Variants in SLC2A13 observed in about 807,000 individuals in gnomAD.
SLC2A13 encodes the protein proton myo-inositol cotransporter.
A neutral mutation model predicts 64.4 loss-of-function variants in SLC2A13; 32 were observed. The ratio of observed to expected loss-of-function variants is 0.50; its 90% confidence interval spans 0.37 to 0.67. SLC2A13 has a LOEUF of 0.67. Ranked by LOEUF, SLC2A13 falls within the 30% of genes least tolerant of loss-of-function variation. The probability of loss-of-function intolerance (pLI) is 0.00; values close to 1 mark genes in which losing one functional copy is unlikely to be tolerated. For synonymous variants in SLC2A13, 338 were observed against 327.1 expected (o/e 1.03, Z -0.36); for missense variants, 743 against 829.2 (o/e 0.90, Z 1.28).
rs549093312 is a variant in SLC2A13, at chr12:40,041,979, T to C, written c.716+6072A>G. ...GATCCTACCCCCTCCTGGTCTACAC[T>C]CTGCCTCCCATATCCACCTGTGTCC... is the stretch of plus-strand genomic sequence containing the variant. On this transcript the variant is annotated intron_variant, in intron 2 of 9. Transcript: ENST00000280871. 2.0e-5 allele frequency among the ~76,000 whole-genome samples: 3 copies of C among 152,314 alleles called. No homozygotes were observed. The South Asian group carries it at 6.2e-4, about 32-fold the overall frequency.
chr12:40,067,003 GT>G (rs1937752877), intron 1 of SLC2A13, among the ~76,000 whole-genome samples: 1 of 152,094 alleles, frequency 6.6e-6, no homozygotes, highest in African/African-American at 2.4e-5. Flanking sequence ...GACAGAACAT[GT>G]TTGAATTTCA....
chr12:40,088,461 C>T (rs1374263748), intron 1 of SLC2A13, among the ~76,000 whole-genome samples: 4 of 152,058 alleles, frequency 2.6e-5, no homozygotes, highest in South Asian at 4.1e-4. Context: ...TTTTTGAAGC[C>T]AGTCATCATA....
intron 4 of SLC2A13, among the ~76,000 whole-genome samples, chr12:39,944,474 T>C (rs1318529246): frequency 6.6e-6 from 1 of 152,222 alleles, no homozygotes; most frequent in Non-Finnish European, 1.5e-5. Context: ...TGTGTTGCTG[T>C]CTATCTCATT....
chr12:39,931,023 T>C (rs963487852), intron 4 of SLC2A13, among the ~76,000 whole-genome samples: 1 of 152,216 alleles, frequency 6.6e-6, no homozygotes. Flanking sequence ...AAATTGGCCT[T>C]CTAATAAATA....
intron 1 of SLC2A13, among the ~76,000 whole-genome samples, chr12:40,057,310 T>G (rs929236076): frequency 1.3e-5 from 2 of 152,046 alleles, no homozygotes; most frequent in Non-Finnish European, 2.9e-5. Flanking sequence ...GAAAAATAAA[T>G]GAACTCAGGT....
intron 1 of SLC2A13, among the ~76,000 whole-genome samples, chr12:40,093,576 T>A (rs1024008637): frequency 1.3e-5 from 2 of 152,112 alleles, no homozygotes; most frequent in African/African-American, 4.8e-5. Context: ...CAGGGAAAAC[T>A]GGTGGTGGGA....
chr12:40,044,791 C>T (rs1452740721), intron 2 of SLC2A13, among the ~76,000 whole-genome samples: 1 of 152,164 alleles, frequency 6.6e-6, no homozygotes, highest in East Asian at 1.9e-4. Context: ...ATCTAAATTG[C>T]TTTTCTGTCA....
chr12:39,978,604 G>A (rs868075528), intron 3 of SLC2A13, among the ~76,000 whole-genome samples: 3 of 152,158 alleles, frequency 2.0e-5, no homozygotes, highest in Admixed American at 6.5e-5. Context: ...CGAATATGGC[G>A]CTTTTCAGAC....
At chr12:39,816,544 C>G (rs547713985) in intron 7 of SLC2A13, among the ~76,000 whole-genome samples, 1 of 150,894 alleles carries the variant, frequency 6.6e-6, no homozygotes. Flanking sequence ...CAAACCTGCA[C>G]GTTGTGCACA....
At position 39,899,050 on chromosome 12, in the gene SLC2A13, G is replaced by A. The variant is rs998362022; in HGVS notation, c.1035-27089C>T. Among the ~76,000 whole-genome samples, 3 of 152,176 alleles carry A rather than the reference G, an allele frequency of 2.0e-5. No individual in the cohort carries two copies. The East Asian group carries it at 5.8e-4, about 29-fold the overall frequency. On this transcript the variant is annotated intron_variant, in intron 4 of 9. Transcript: ENST00000280871. ...TCTATTGATTGGAATAGTTTCAGAA[G>A]GAATGGTACCAGTTCCTCCTTGTAC... is the stretch of plus-strand genomic sequence containing the variant.
intron 1 of SLC2A13, among the ~76,000 whole-genome samples, chr12:40,052,502 G>A (rs1308550366): frequency 2.0e-5 from 3 of 152,072 alleles, no homozygotes; most frequent in South Asian, 2.1e-4. Context: ...TGAGAGTCTC[G>A]GGGTGAGTCT....
chr12:40,089,962 C>T (rs1267518481), intron 1 of SLC2A13, among the ~76,000 whole-genome samples: 2 of 152,158 alleles, frequency 1.3e-5, no homozygotes, highest in Non-Finnish European at 2.9e-5. Context: ...CACTTTTCAA[C>T]ACTGACAAGG....
At chr12:39,811,070 A>G (rs899684079) in intron 7 of SLC2A13, among the ~76,000 whole-genome samples, 1 of 152,050 alleles carries the variant, frequency 6.6e-6, no homozygotes, top group Admixed American at 6.6e-5. Context: ...GATTTTTAAT[A>G]CAAATTTGAT....
intron 4 of SLC2A13, among the ~76,000 whole-genome samples, chr12:39,885,033 C>A (rs1944435633): frequency 6.6e-6 from 1 of 152,194 alleles, no homozygotes; most frequent in Non-Finnish European, 1.5e-5. Context: ...GAAGGAATTT[C>A]TTGATTTTGA....
chr12:39,940,381 C>G (rs1945998628), intron 4 of SLC2A13, among the ~76,000 whole-genome samples: 1 of 151,976 alleles, frequency 6.6e-6, no homozygotes, highest in African/African-American at 2.4e-5. Context: ...ACCATGTGTG[C>G]TTGTGCTATG....
At chr12:40,072,963 T>C (rs190715945) in intron 1 of SLC2A13, among the ~76,000 whole-genome samples, 1 of 152,186 alleles carries the variant, frequency 6.6e-6, no homozygotes, top group Admixed American at 6.6e-5. Flanking sequence ...GTGGATTTAG[T>C]TGAGCATTTT....
chr12:40,043,160 C>T (rs997447244), intron 2 of SLC2A13, among the ~76,000 whole-genome samples: 1 of 151,966 alleles, frequency 6.6e-6, no homozygotes, highest in Non-Finnish European at 1.5e-5. Context: ...AAACATTTTA[C>T]TAGTGGCATG....
chr12:39,938,929 A>G (rs1200952011), intron 4 of SLC2A13, among the ~76,000 whole-genome samples: 2 of 152,134 alleles, frequency 1.3e-5, no homozygotes, highest in Non-Finnish European at 1.5e-5. Flanking sequence ...CTACTTGTCT[A>G]CATGACAGCT....
chr12:40,052,242 G>A (rs150057754), intron 1 of SLC2A13, among the ~76,000 whole-genome samples: 1 of 152,234 alleles, frequency 6.6e-6, no homozygotes, highest in East Asian at 1.9e-4. Context: ...CTGCTTGATG[G>A]TGTGCTGGGA....
Sources: allele counts gnomAD v4.1 joint callset (sites outside exome capture counted in the v4.1 genomes callset), GRCh38; gene constraint gnomAD v4.1.1; transcripts MANE v1.5; gene names NCBI Gene and HGNC (gene_info 2026-07-23, HGNC 2026-07-21).